The following KCNK9 variants were observed in gnomAD, a reference collection of about 807,000 sequenced individuals.
The protein encoded by KCNK9 is potassium two pore domain channel subfamily K member 9.
A neutral mutation model predicts 10.8 loss-of-function variants in KCNK9; 1 was observed. That is an observed-to-expected ratio of 0.09 (90% CI 0.03 to 0.44). The LOEUF is 0.44. Ranked by LOEUF, KCNK9 falls within the 20% of genes least tolerant of loss-of-function variation. KCNK9 has a pLI of 0.97. For synonymous variants in KCNK9, 231 were observed against 222.7 expected (o/e 1.04, Z -0.33); for missense variants, 303 against 515.0 (o/e 0.59, Z 3.98).
At position 139,702,588 on chromosome 8, in the gene KCNK9, G is replaced by A. The variant is rs753830516; in HGVS notation, c.283+122C>T. 5.4e-5 allele frequency: 54 copies of A among 994,502 alleles called. No individual in the cohort carries two copies. Among genetic ancestry groups the A allele is most frequent in the Non-Finnish European group, 7.5e-5 (52 of 697,676 alleles). 61.6% of individuals were successfully genotyped at this position (994,502 alleles called of 1,614,324 possible). A position where few individuals can be genotyped will look rare whatever the true frequency, so the allele number is the denominator to read the frequency against. ...TAGAGAGGAGGGGGCGCTGCGGGAAGGCCCCCAAGGGAGGCTGCGTTTAAC... is the reference window on the plus strand; with the variant it reads ...TAGAGAGGAGGGGGCGCTGCGGGAAAGCCCCCAAGGGAGGCTGCGTTTAAC... On this transcript the variant is annotated intron_variant, in intron 1 of 1. Coordinates refer to ENST00000520439, the MANE Select transcript of KCNK9 (RefSeq NM_001282534.2). The surrounding 1 kb of genome is among the most constrained non-coding windows in gnomAD (Gnocchi z 7.5).
intron 1 of KCNK9, among the ~76,000 whole-genome samples, chr8:139,630,046 C>T (rs995110023): frequency 6.6e-6 from 1 of 151,234 alleles, no homozygotes; most frequent in Non-Finnish European, 1.5e-5. Flanking sequence ...TTAGTGGTTG[C>T]CTAGGGGTTG....
Position 139,617,743 on chromosome 8 carries a change from GT to G in KCNK9, c.*514del. Among the ~76,000 whole-genome samples, 1 of 152,222 alleles carries G rather than the reference GT, an allele frequency of 6.6e-6. No homozygotes were observed. The highest frequency in any genetic ancestry group is 2.1e-4 in the South Asian group (1 of 4,820). ...GAAAACGGAATACCTAATACTTCCC[GT>G]TTTGTCACGACACACGTGCACACAG... On this transcript the variant is annotated 3_prime_UTR_variant, in exon 2 of 2. Coordinates refer to ENST00000520439, the MANE Select transcript of KCNK9 (RefSeq NM_001282534.2).
chr8:139,680,169 G>A (rs1484739185), intron 1 of KCNK9, among the ~76,000 whole-genome samples: 1 of 152,238 alleles, frequency 6.6e-6, no homozygotes, highest in Non-Finnish European at 1.5e-5. Flanking sequence ...TCTGCCCAGA[G>A]CCAGCCAAGC....
intron 1 of KCNK9, among the ~76,000 whole-genome samples, chr8:139,686,699 C>T (rs974855481): frequency 1.3e-5 from 2 of 152,182 alleles, no homozygotes; most frequent in Non-Finnish European, 2.9e-5. Flanking sequence ...GACAGAATAA[C>T]ACACAAGCAG....
chr8:139,611,714 A>G (rs1814430661), downstream of KCNK9: 1 of 152,242 alleles, frequency 6.6e-6, no homozygotes, highest in Non-Finnish European at 1.5e-5. Flanking sequence ...GCCCTGTTGT[A>G]TGGGGCACAC....
intron 1 of KCNK9, among the ~76,000 whole-genome samples, chr8:139,656,738 A>T (rs1816032318): frequency 6.6e-6 from 1 of 152,132 alleles, no homozygotes. Flanking sequence ...AGTTTCTCCT[A>T]GTTTCCATGC....
intron 1 of KCNK9, among the ~76,000 whole-genome samples, chr8:139,674,314 G>A (rs914113882): frequency 1.3e-5 from 2 of 152,200 alleles, no homozygotes; most frequent in African/African-American, 2.4e-5. Flanking sequence ...ATGTACAGCC[G>A]GAAGCTGGCT....
intron 1 of KCNK9, among the ~76,000 whole-genome samples, chr8:139,664,675 C>A (rs1025890098): frequency 6.6e-6 from 1 of 152,210 alleles, no homozygotes; most frequent in Non-Finnish European, 1.5e-5. Context: ...TGACCACCAG[C>A]AAGTCCAGCC....
chr8:139,641,216 C>T (rs771843757), intron 1 of KCNK9, among the ~76,000 whole-genome samples: 2 of 152,254 alleles, frequency 1.3e-5, no homozygotes, highest in South Asian at 2.1e-4. Context: ...ACCCTGGGCC[C>T]GGACCCTGCA....
chr8:139,693,634 G>C lies in KCNK9; in HGVS notation c.283+9076C>G, dbSNP rs1311467563. Among the ~76,000 whole-genome samples, 2 of 152,116 alleles carry C rather than the reference G, an allele frequency of 1.3e-5. No individual in the cohort carries two copies. The highest frequency in any genetic ancestry group is 4.8e-5 in the African/African-American group (2 of 41,424). On this transcript the variant is annotated intron_variant, in intron 1 of 1. Transcript: ENST00000520439. The surrounding 1 kb of genome is among the most constrained non-coding windows in gnomAD (Gnocchi z 4.1). ...GAAAACTGAGTAGCACAGTGGGCTG[G>C]GGAGCAAAGAAACAAGTCCTTTGCT... is the stretch of plus-strand genomic sequence containing the variant.
At chr8:139,600,914 G>A (rs1380090656), downstream of KCNK9, 3 of 152,192 alleles carry the variant, frequency 2.0e-5, no homozygotes, top group Non-Finnish European at 4.4e-5. Flanking sequence ...GACTCACAGG[G>A]AGATGTTAAT....
intron 1 of KCNK9, among the ~76,000 whole-genome samples, chr8:139,687,525 CAT>C (rs1302525749): frequency 7.6e-6 from 1 of 130,766 alleles, no homozygotes; most frequent in Non-Finnish European, 1.6e-5. Flanking sequence ...CACATATATT[CAT>C]ATATATGTAT....
chr8:139,633,950 C>G (rs188299308), intron 1 of KCNK9, among the ~76,000 whole-genome samples: 11 of 152,366 alleles, frequency 7.2e-5, no homozygotes, highest in Admixed American at 3.9e-4. Flanking sequence ...CTATTCGCAT[C>G]GAGCCTGTCC....
chr8:139,687,423 T>C lies in KCNK9; in HGVS notation c.283+15287A>G, dbSNP rs796171535. Among the ~76,000 whole-genome samples, 1,077 of 129,626 alleles carry C rather than the reference T, an allele frequency of 8.3e-3. 27 individuals carry two copies. The highest frequency in any genetic ancestry group is 0.023 in the East Asian group (91 of 3,946). The allele number at this position is 129,626 out of a possible 152,430, so 85.0% of individuals were successfully genotyped here. ...ATACATATATATTCATATATGTGTA[T>C]ACATATATATTCATATATATGTATA... is the stretch of plus-strand genomic sequence containing the variant. On this transcript the variant is annotated intron_variant, in intron 1 of 1. Coordinates refer to ENST00000520439, the MANE Select transcript of KCNK9 (RefSeq NM_001282534.2).
chr8:139,672,186 T>G (rs1017211099), intron 1 of KCNK9, among the ~76,000 whole-genome samples: 2 of 152,200 alleles, frequency 1.3e-5, no homozygotes, highest in African/African-American at 4.8e-5. Flanking sequence ...GGTGGCTTTC[T>G]GGGTTCCTCC....
intron 1 of KCNK9, among the ~76,000 whole-genome samples, chr8:139,641,635 C>T (rs374719648): frequency 7.2e-5 from 11 of 151,886 alleles, no homozygotes; most frequent in South Asian, 2.1e-4. Context: ...GGCCTGCCCC[C>T]CCCCCGCACT....
intron 1 of KCNK9, among the ~76,000 whole-genome samples, chr8:139,633,747 C>T (rs371922598): frequency 7.2e-5 from 11 of 152,372 alleles, no homozygotes; most frequent in Admixed American, 2.0e-4. Context: ...TCGGTCTGTG[C>T]AGCCTCAGTA....
intron 1 of KCNK9, among the ~76,000 whole-genome samples, chr8:139,645,363 C>T (rs954944472): frequency 2.0e-5 from 3 of 152,192 alleles, no homozygotes; most frequent in Admixed American, 1.3e-4. Flanking sequence ...AGGCTGCCCA[C>T]CCATGCCTGC....
rs199623789 is a variant in KCNK9, at chr8:139,618,546, C to T, written c.837G>A (p.Pro279=). The T allele has an allele frequency of 4.3e-6, 7 of 1,613,472 alleles. No individual in the cohort carries two copies. Among genetic ancestry groups the T allele is most frequent in the East Asian group, 2.2e-5 (1 of 44,874 alleles). The change falls in exon 2 of 2, where the codon CCG becomes CCA. Residue 279 remains proline (P), a synonymous_variant. Coordinates refer to ENST00000520439, the MANE Select transcript of KCNK9 (RefSeq NM_001282534.2). This position sits in a 1 kb window ranked among gnomAD's most constrained non-coding sequence, Gnocchi z 7.9. ...CCTTGTACCTGGGCCGGCTGGGCCG[C>T]GGCTCCTCAGGGATGTGAATGACCA... ...NSMVIHIPEE[P]RPSRPRYKAD...
Sources: gnomAD v4.1 joint callset for allele counts (sites outside exome capture counted in the v4.1 genomes callset) on GRCh38, gnomAD v4.1.1 for gene constraint, Gnocchi (gnomAD v3.1) non-coding constraint, MANE v1.5 for transcripts, NCBI Gene and HGNC (gene_info 2026-07-23, HGNC 2026-07-21) for gene names.